The following TSC2 variants were observed in gnomAD, a reference collection of about 807,000 sequenced individuals.
TSC2 encodes tuberin.
In TSC2, 29 loss-of-function variants were observed where a neutral mutation model predicts 202.2. The observed-to-expected ratio is 0.14, with a 90% CI of 0.11 to 0.20. TSC2 has a LOEUF of 0.20. Among genes scored for constraint, TSC2 ranks in the 10% least tolerant of loss-of-function variants. The pLI, the probability that TSC2 is intolerant of heterozygous loss-of-function variation, is 1.00. For synonymous variants in TSC2, 1,349 were observed against 1,044.0 expected (o/e 1.29, Z -5.63); for missense variants, 2,429 against 2,420.0 (o/e 1.00, Z -0.08).
At chr16:2,080,692 G>C in intron 30 of TSC2, 2 of 359,128 alleles carry the variant, frequency 5.6e-6, no homozygotes, top group East Asian at 1.2e-4. Flanking sequence ...CACTGTGTTA[G>C]CCAGGATGGT....
In TSC2 at chr16:2,087,895, C is replaced by A. The variant is rs777184691; in HGVS notation, c.5022C>A (p.Thr1674=). The change falls in exon 39 of 42, where the codon ACC becomes ACA. Residue 1674 remains threonine (T), a synonymous_variant. Coordinates refer to ENST00000219476, the MANE Select transcript of TSC2 (RefSeq NM_000548.5). ...GQFNFVHVIV[T]PLDYECNLVS... ...TCAACTTTGTCCACGTGATCGTCAC[C>A]CCGCTGGACTACGAGTGCAACCTGG... 1.2e-6 allele frequency: 2 copies of A among 1,612,892 alleles called. No individual in the cohort carries two copies. The highest frequency in any genetic ancestry group is 1.7e-6 in the Non-Finnish European group (2 of 1,180,006).
At chr16:2,050,561 C>A in intron 3 of TSC2, 75 bp downstream of exon 3, 16 of 1,100,632 alleles carry the variant, frequency 1.5e-5, no homozygotes, top group Non-Finnish European at 1.9e-5. Context: ...TTTTTAGGAA[C>A]ATGGTTGACA....
In TSC2 at chr16:2,074,322, G is replaced by C. The variant is rs1398112464; in HGVS notation, c.2478G>C (p.Leu826=). The change falls in exon 22 of 42, where the codon CTG becomes CTC. Residue 826 remains leucine, a synonymous_variant. Coordinates refer to ENST00000219476, the MANE Select transcript of TSC2 (RefSeq NM_000548.5). The stretch of plus-strand genomic sequence containing the variant: ...TCATCATCAAGGCGCTGCCTGTTCT[G>C]GTGGTGAAGCTCACGCACATCTCAG... ...PDIIIKALPV[L]VVKLTHISAT... 6.2e-7 allele frequency: 1 copy of C among 1,613,022 alleles called. No homozygotes were observed. The highest frequency in any genetic ancestry group is 8.5e-7 in the Non-Finnish European group (1 of 1,180,048).
At chr16:2,085,163 CG>C in intron 35 of TSC2, 66 bp from the exon 36 acceptor site, 1 of 1,607,876 alleles carries the variant, frequency 6.2e-7, no homozygotes, top group Non-Finnish European at 8.5e-7. Flanking sequence ...CTGCCGTGAC[CG>C]GCCTGGGTGG....
chr16:2,086,027 G>A (rs1217770650), intron 36 of TSC2, among the ~76,000 whole-genome samples, 166 bp from the exon 37 acceptor site: 4 of 152,170 alleles, frequency 2.6e-5, no homozygotes, highest in African/African-American at 9.7e-5. Context: ...AGGGAGTCAA[G>A]GATGACACCC....
chr16:2,049,004 C>T (rs954942150), intron 2 of TSC2, among the ~76,000 whole-genome samples: 2 of 152,160 alleles, frequency 1.3e-5, no homozygotes, highest in Admixed American at 6.5e-5. Context: ...ATAGATGAGG[C>T]CTGAGTATCA....
chr16:2,061,118 G>A (rs569272401), intron 11 of TSC2: 5 of 445,014 alleles, frequency 1.1e-5, no homozygotes, highest in East Asian at 4.5e-5. Flanking sequence ...AGTGGGCCCC[G>A]GCACAGTTCC....
chr16:2,082,428 C>T lies in TSC2; in HGVS notation c.3815-8C>T, dbSNP rs1596404187. The T allele has an allele frequency of 6.2e-7, 1 of 1,612,556 alleles. No individual in the cohort carries two copies. Among genetic ancestry groups the T allele is most frequent in the Non-Finnish European group, 8.5e-7 (1 of 1,179,994 alleles). The stretch of plus-strand genomic sequence containing the variant: ...GCTGACGTGGCCGCACACGGCCTTC[C>T]CTTGCAGTGGCCTCTTTCTCCTCCC... On this transcript the variant is annotated splice_polypyrimidine_tract_variant and splice_region_variant and intron_variant, in intron 31 of 41. Transcript: ENST00000219476.
At chr16:2,070,967 T>A (rs2082985143) in intron 17 of TSC2, among the ~76,000 whole-genome samples, 1 of 149,576 alleles carries the variant, frequency 6.7e-6, no homozygotes, top group African/African-American at 2.5e-5. Flanking sequence ...AGGGCAGGGC[T>A]GGAGAGGGCA....
In TSC2 at chr16:2,055,412, C is replaced by T. The variant is rs1424637610; in HGVS notation, c.492C>T (p.Val164=). 6.2e-7 allele frequency: 1 copy of T among 1,614,012 alleles called. No homozygotes were observed. The change falls in exon 6 of 42, where the codon GTC becomes GTT. Residue 164 remains valine, a synonymous_variant. Coordinates refer to ENST00000219476, the MANE Select transcript of TSC2 (RefSeq NM_000548.5). ...TYLEEELADF[V]LQWMDVGLSS... is the part of the protein sequence containing the mutation. ...CCGCTTCTCCCCCAGCTGACTTTGT[C>T]CTGCAGTGGATGGATGTTGGCTTGT...
rs538131506 is a variant in TSC2 at position 2,087,005 on chromosome 16, G to A, written c.4989+134G>A. The A allele has an allele frequency of 1.9e-4, 256 of 1,354,632 alleles. 1 individual carries two copies. In the African/African-American group the frequency reaches 2.8e-3, roughly 15 times the overall value. The allele number at this position is 1,354,632 out of a possible 1,614,324, so 83.9% of individuals were successfully genotyped here. On this transcript the variant is annotated intron_variant, in intron 38 of 41. Transcript: ENST00000219476. ...GAGAGGCCGCAGTGCTCAGGGCCCC[G>A]TGGGCACGAGCTTCACCCCGAGCCT...
intron 13 of TSC2, 146 bp downstream of exon 13, chr16:2,062,746 C>G: frequency 2.0e-6 from 2 of 995,458 alleles, no homozygotes; most frequent in Non-Finnish European, 3.1e-6. Flanking sequence ...TGAGCAGGTG[C>G]TAGCTTGCTT....
intron 17 of TSC2, among the ~76,000 whole-genome samples, chr16:2,070,923 C>T (rs577482787): frequency 7.9e-5 from 12 of 152,064 alleles, no homozygotes; most frequent in African/African-American, 2.9e-4. Context: ...GTGGGCGGCA[C>T]AGGGCAGAGC....
chr16:2,084,802 G>A, intron 34 of TSC2, 87 bp downstream of exon 34: 1 of 1,598,752 alleles, frequency 6.3e-7, no homozygotes, highest in Non-Finnish European at 8.5e-7. Context: ...GCGGGCTGGG[G>A]TGGGGTCCTC....
In TSC2 at chr16:2,087,893, A is replaced by G; in HGVS notation, c.5020A>G (p.Thr1674Ala). ...GQFNFVHVIV[T>A]PLDYECNLVS... ...GTTCAACTTTGTCCACGTGATCGTC[A>G]CCCCGCTGGACTACGAGTGCAACCT... is the stretch of plus-strand genomic sequence containing the variant. Residue 1674 changes from threonine to alanine, a missense_variant, in exon 39 of 42, where the codon ACC (threonine) becomes GCC (alanine). Transcript: ENST00000219476. 6.2e-7 allele frequency: 1 copy of G among 1,611,840 alleles called. No homozygotes were observed. The highest frequency in any genetic ancestry group is 1.3e-5 in the African/African-American group (1 of 74,648).
chr16:2,061,918 C>T lies in TSC2; in HGVS notation c.1167C>T (p.Thr389=), dbSNP rs745774782. Residue 389 remains threonine, a synonymous_variant, in exon 12 of 42, where the codon ACC becomes ACT. Coordinates refer to ENST00000219476, the MANE Select transcript of TSC2 (RefSeq NM_000548.5). ...GGACCATCGTCCATGACCTGTTGAC[C>T]ACGGTGGAGGAGCTGTGTGACCAGA... is the stretch of plus-strand genomic sequence containing the variant. ...ELRTIVHDLL[T]TVEELCDQNE... is the part of the protein sequence containing the mutation. The T allele has an allele frequency of 1.2e-6, 2 of 1,614,192 alleles. No homozygotes were observed. Among genetic ancestry groups the T allele is most frequent in the Admixed American group, 3.3e-5 (2 of 60,028 alleles).
rs571792728 is a variant in TSC2, at chr16:2,088,577, C to A, written c.5391C>A (p.Ile1797=). The A allele has an allele frequency of 6.2e-7, 1 of 1,608,860 alleles. No individual in the cohort carries two copies. Among genetic ancestry groups the A allele is most frequent in the Non-Finnish European group, 8.5e-7 (1 of 1,179,878 alleles). ...AGGTGGGCCAGCGGAAGCGCCTCAT[C>A]TCCTCGGTGGAGGACTTCACCGAGT... is the stretch of plus-strand genomic sequence containing the variant. ...GYEVGQRKRL[I]SSVEDFTEFV is the part of the protein sequence containing the mutation. The change falls in exon 42 of 42, where the codon ATC becomes ATA. Residue 1797 remains isoleucine (I), a synonymous_variant. Coordinates refer to ENST00000219476, the MANE Select transcript of TSC2 (RefSeq NM_000548.5).
chr16:2,076,060 C>T lies in TSC2; in HGVS notation c.2640-8C>T, dbSNP rs766389789. Reference sequence around the variant, plus strand: ...CAGGATGGAGTGCCAGCCCCCTTCTCATCTCAGGTTTAATCAGTACATCGT... The same window carrying T: ...CAGGATGGAGTGCCAGCCCCCTTCTTATCTCAGGTTTAATCAGTACATCGT... On this transcript the variant is annotated splice_polypyrimidine_tract_variant and splice_region_variant and intron_variant, in intron 23 of 41. Coordinates refer to ENST00000219476, the MANE Select transcript of TSC2 (RefSeq NM_000548.5). 6.2e-7 allele frequency: 1 copy of T among 1,613,952 alleles called. No individual in the cohort carries two copies. The highest frequency in any genetic ancestry group is 2.2e-5 in the East Asian group (1 of 44,892).
At position 2,086,157 on chromosome 16, in the gene TSC2, G is replaced by C. The variant is rs2151567795; in HGVS notation, c.4663-36G>C. 4 of 1,611,594 alleles carry C rather than the reference G, an allele frequency of 2.5e-6. No homozygotes were observed. In the South Asian group the frequency reaches 3.3e-5, roughly 13 times the overall value. ...CTCTGCGGGGCAGGGCCCGGCCCGGGAGTGATGCCACCCTGCCTCTCCCCT... is the reference window on the plus strand; with the variant it reads ...CTCTGCGGGGCAGGGCCCGGCCCGGCAGTGATGCCACCCTGCCTCTCCCCT... On this transcript the variant is annotated intron_variant, in intron 36 of 41. Transcript: ENST00000219476.
Sources: allele counts gnomAD v4.1 joint callset (sites outside exome capture counted in the v4.1 genomes callset), GRCh38; gene constraint gnomAD v4.1.1; transcripts MANE v1.5; gene names NCBI Gene and HGNC (gene_info 2026-07-23, HGNC 2026-07-21).